CDK14: variants seen among roughly 807,000 people sequenced by gnomAD.
CDK14 encodes cyclin dependent kinase 14, also known as cyclin-dependent kinase 14.
CDK14 carries 34 observed loss-of-function variants against 60.7 expected under a neutral mutation model. The observed-to-expected ratio is 0.56, with a 90% CI of 0.43 to 0.75. CDK14 has a LOEUF of 0.75. CDK14 is among the 30% of genes least tolerant of loss of function. CDK14 has a pLI of 0.00. For missense variants in CDK14, 482 were observed against 564.1 expected, an observed-to-expected ratio of 0.85 and a Z score of 1.47; for synonymous variants, 197 against 203.7, an observed-to-expected ratio of 0.97 and a Z score of 0.28.
At chr7:91,118,340 G>T in intron 14 of CDK14, 132 bp downstream of exon 14, 1 of 506,736 alleles carries the variant, frequency 2.0e-6, no homozygotes, top group East Asian at 3.1e-5. Flanking sequence ...GCATTCATCA[G>T]ACCTATTGAG....
chr7:90,811,823 T>A (rs1338865290), intron 5 of CDK14, among the ~76,000 whole-genome samples: 1 of 152,106 alleles, frequency 6.6e-6, no homozygotes, highest in Non-Finnish European at 1.5e-5. Flanking sequence ...AAGAGACACT[T>A]CTCAAAAGAA....
chr7:90,646,481 C>T (rs1212595849), intron 2 of CDK14, among the ~76,000 whole-genome samples: 3 of 151,546 alleles, frequency 2.0e-5, no homozygotes, highest in Admixed American at 2.0e-4. Flanking sequence ...TTAAGCTTTC[C>T]CCCTCACTTA....
At position 90,829,694 on chromosome 7, in the gene CDK14, G is replaced by A. The variant is rs548067428; in HGVS notation, c.545-33481G>A. Among the ~76,000 whole-genome samples, 26 of 152,142 alleles carry A rather than the reference G, an allele frequency of 1.7e-4. 1 individual carries two copies. Among genetic ancestry groups the A allele is most frequent in the African/African-American group, 2.4e-4 (10 of 41,494 alleles). On this transcript the variant is annotated intron_variant, in intron 5 of 14. Coordinates refer to ENST00000380050, the MANE Select transcript of CDK14 (RefSeq NM_001287135.2). Reference sequence around the variant, plus strand: ...ACTACAGATGCATGCCACCACAACCGGCTAATTTTTGTATTTTTAGTAGAG... The same window carrying A: ...ACTACAGATGCATGCCACCACAACCAGCTAATTTTTGTATTTTTAGTAGAG...
intron 14 of CDK14, among the ~76,000 whole-genome samples, chr7:91,202,874 T>C (rs1463154587): frequency 6.6e-6 from 1 of 152,230 alleles, no homozygotes; most frequent in African/African-American, 2.4e-5. Flanking sequence ...ATCCAATTAC[T>C]ATTATTACAT....
chr7:91,170,073 A>C (rs949316530), intron 14 of CDK14, among the ~76,000 whole-genome samples: 1 of 152,150 alleles, frequency 6.6e-6, no homozygotes, highest in Non-Finnish European at 1.5e-5. Context: ...GAGCAGGTTA[A>C]CTGCTTGAGG....
chr7:90,661,672 T>C (rs1303195033), intron 2 of CDK14, among the ~76,000 whole-genome samples: 2 of 152,232 alleles, frequency 1.3e-5, no homozygotes, highest in Admixed American at 1.3e-4. Flanking sequence ...AACGGGTTTC[T>C]AATCCTTGTG....
intron 14 of CDK14, among the ~76,000 whole-genome samples, chr7:91,145,485 GT>G (rs1562923688): frequency 6.6e-6 from 1 of 152,148 alleles, no homozygotes; most frequent in African/African-American, 2.4e-5. Context: ...GACAGTAACC[GT>G]TGTTTGAGTG....
intron 14 of CDK14, among the ~76,000 whole-genome samples, chr7:91,121,979 G>A (rs1371676207): frequency 6.6e-6 from 1 of 152,176 alleles, no homozygotes; most frequent in South Asian, 2.1e-4. Context: ...GGCATAGAAA[G>A]TGCATGGTCA....
chr7:90,998,997 C>G (rs1423783626), intron 10 of CDK14, among the ~76,000 whole-genome samples: 3 of 152,140 alleles, frequency 2.0e-5, no homozygotes, highest in Non-Finnish European at 4.4e-5. Flanking sequence ...TATGTCGTAA[C>G]ATCGTGGAGA....
intron 13 of CDK14, among the ~76,000 whole-genome samples, chr7:91,116,195 A>G (rs1199181050): frequency 6.6e-6 from 1 of 152,216 alleles, no homozygotes; most frequent in Non-Finnish European, 1.5e-5. Context: ...AAGCTGAACT[A>G]CCCTTGTCAA....
At chr7:90,917,205 C>T (rs1247770608) in intron 7 of CDK14, among the ~76,000 whole-genome samples, 1 of 151,880 alleles carries the variant, frequency 6.6e-6, no homozygotes, top group Non-Finnish European at 1.5e-5. Context: ...TGATATAAAC[C>T]CTTGGTAAAC....
chr7:91,160,843 T>C (rs1801149586), intron 14 of CDK14, among the ~76,000 whole-genome samples: 1 of 152,170 alleles, frequency 6.6e-6, no homozygotes, highest in Non-Finnish European at 1.5e-5. Flanking sequence ...TACAGGCCCA[T>C]ACATTTAAAT....
intron 12 of CDK14, among the ~76,000 whole-genome samples, chr7:91,085,017 A>G (rs1010931470): frequency 6.6e-6 from 1 of 152,238 alleles, no homozygotes; most frequent in African/African-American, 2.4e-5. Flanking sequence ...TTCTAGAAGC[A>G]TAAACTGTAG....
chr7:91,198,045 C>T (rs1053079782), intron 14 of CDK14, among the ~76,000 whole-genome samples: 11 of 152,290 alleles, frequency 7.2e-5, no homozygotes, highest in Middle Eastern at 3.4e-3. Flanking sequence ...GTCTAGCACC[C>T]GCCACCCTTA....
chr7:90,645,486 C>T (rs1800446015), intron 2 of CDK14, among the ~76,000 whole-genome samples: 1 of 151,962 alleles, frequency 6.6e-6, no homozygotes, highest in African/African-American at 2.4e-5. Flanking sequence ...GAATTGAAAA[C>T]ATTTGAGCAT....
chr7:91,112,822 G>GGTGTGT (rs112066860), intron 13 of CDK14, 141 bp downstream of exon 13: 86 of 688,482 alleles, frequency 1.2e-4, no homozygotes, highest in African/African-American at 9.6e-4. Context: ...GTGCATTACA[G>GGTGTGT]GTGTGTGTGT....
intron 2 of CDK14, among the ~76,000 whole-genome samples, chr7:90,708,762 T>C (rs1584808070): frequency 5.3e-5 from 8 of 152,200 alleles, no homozygotes; most frequent in Admixed American, 5.2e-4. Flanking sequence ...CCGCCTCTTG[T>C]AATTTTTAAA....
chr7:91,017,805 A>T (rs1381126869), intron 10 of CDK14, among the ~76,000 whole-genome samples: 1 of 152,192 alleles, frequency 6.6e-6, no homozygotes, highest in African/African-American at 2.4e-5. Flanking sequence ...ATCTGTGCAC[A>T]GAGATAACAA....
intron 11 of CDK14, among the ~76,000 whole-genome samples, chr7:91,070,904 T>G (rs1177521075): frequency 6.6e-6 from 1 of 151,970 alleles, no homozygotes; most frequent in Non-Finnish European, 1.5e-5. Flanking sequence ...ACTATGATAC[T>G]GACATAAATA....
Sources: gnomAD v4.1 joint callset for allele counts (sites outside exome capture counted in the v4.1 genomes callset) on GRCh38, gnomAD v4.1.1 for gene constraint, MANE v1.5 for transcripts, NCBI Gene and HGNC (gene_info 2026-07-23, HGNC 2026-07-21) for gene names.